Variants in PRMT3 observed in about 807,000 individuals in gnomAD.
PRMT3 encodes protein arginine N-methyltransferase 3.
PRMT3 carries 62 observed loss-of-function variants against 71.9 expected under a neutral mutation model. The observed-to-expected ratio is 0.86, with a 90% CI of 0.70 to 1.07. The LOEUF (loss-of-function observed/expected upper bound fraction) is 1.07, where lower values mean the gene tolerates loss of function less well. Among genes scored for constraint, PRMT3 ranks in the 50% least tolerant of loss-of-function variants. The pLI, the probability that PRMT3 is intolerant of heterozygous loss-of-function variation, is 0.00. For synonymous variants in PRMT3, 213 were observed against 220.4 expected (o/e 0.97, Z 0.30); for missense variants, 663 against 643.0 (o/e 1.03, Z -0.34).
At chr11:20,393,417 C>T (rs1225127290) in intron 5 of PRMT3, among the ~76,000 whole-genome samples, 2 of 152,172 alleles carry the variant, frequency 1.3e-5, no homozygotes, top group Non-Finnish European at 2.9e-5. Context: ...AAACTAAAAA[C>T]TCTGTGATCA....
chr11:20,442,781 A>G (rs1006335524), intron 10 of PRMT3, among the ~76,000 whole-genome samples: 2 of 152,230 alleles, frequency 1.3e-5, no homozygotes, highest in Non-Finnish European at 2.9e-5. Context: ...ATTACATTCT[A>G]CGTAATTAAT....
intron 3 of PRMT3, among the ~76,000 whole-genome samples, chr11:20,391,077 G>T (rs1242597241): frequency 4.6e-5 from 7 of 151,814 alleles, no homozygotes; most frequent in Non-Finnish European, 1.0e-4. Flanking sequence ...AGGTTTTTTG[G>T]TCCCTATATT....
intron 9 of PRMT3, among the ~76,000 whole-genome samples, chr11:20,408,986 A>G (rs1223376939): frequency 1.3e-5 from 2 of 152,044 alleles, no homozygotes; most frequent in Non-Finnish European, 2.9e-5. Context: ...AATTCCACCT[A>G]CTTGGGAGAC....
intron 8 of PRMT3, among the ~76,000 whole-genome samples, chr11:20,403,204 A>G (rs1439296676): frequency 6.6e-6 from 1 of 152,200 alleles, no homozygotes; most frequent in Non-Finnish European, 1.5e-5. Flanking sequence ...AGTTATTACA[A>G]TGGCGTAACT....
At chr11:20,477,300 G>T (rs1309068497) in intron 13 of PRMT3, among the ~76,000 whole-genome samples, 2 of 152,188 alleles carry the variant, frequency 1.3e-5, no homozygotes, top group Non-Finnish European at 2.9e-5. Context: ...TCTTGGCCGG[G>T]TGTAGCAGCT....
rs1469317731 is a variant in PRMT3 at position 20,509,235 on chromosome 11, T to C, written c.*822T>C. 2.0e-5 allele frequency: 3 copies of C among 151,296 alleles called. No individual in the cohort carries two copies. The highest frequency in any genetic ancestry group is 2.0e-4 in the Admixed American group (3 of 15,134). 9.4% of individuals were successfully genotyped at this position (151,296 alleles called of 1,614,324 possible). On this transcript the variant is annotated 3_prime_UTR_variant, in exon 16 of 16. Coordinates refer to ENST00000331079, the MANE Select transcript of PRMT3 (RefSeq NM_005788.4). ...TTGTCATTTACAATTACTGATTCAA[T>C]TTGAAATGTAGAATAAAATTTTAAT...
intron 7 of PRMT3, among the ~76,000 whole-genome samples, chr11:20,398,662 C>CA (rs1180129428): frequency 6.6e-6 from 1 of 152,198 alleles, no homozygotes; most frequent in African/African-American, 2.4e-5. Context: ...ACCGTAATGC[C>CA]ATATTTTTAC....
At chr11:20,393,332 A>G (rs1179677096) in intron 5 of PRMT3, among the ~76,000 whole-genome samples, 1 of 152,174 alleles carries the variant, frequency 6.6e-6, no homozygotes, top group Non-Finnish European at 1.5e-5. Context: ...CTGTAGTCCC[A>G]TCTACTCGGG....
intron 12 of PRMT3, among the ~76,000 whole-genome samples, chr11:20,463,086 G>C (rs1453357505): frequency 6.6e-6 from 1 of 152,164 alleles, no homozygotes; most frequent in East Asian, 1.9e-4. Context: ...GGATGGTCTT[G>C]ATCTCCTGAC....
At position 20,441,377 on chromosome 11, in the gene PRMT3, C is replaced by T. The variant is rs534728892; in HGVS notation, c.994-10753C>T. Among the ~76,000 whole-genome samples, 146 of 151,806 alleles carry T rather than the reference C, an allele frequency of 9.6e-4. 1 individual carries two copies. Among genetic ancestry groups the T allele is most frequent in the African/African-American group, 3.3e-3 (136 of 41,412 alleles). On this transcript the variant is annotated intron_variant, in intron 10 of 15. Transcript: ENST00000331079. Reference sequence around the variant, plus strand: ...CTGGAGTGCAGTGGCGCAATCTCGGCTCACTGCAAGCTCCGCCTCCCGGGT... The same window carrying T: ...CTGGAGTGCAGTGGCGCAATCTCGGTTCACTGCAAGCTCCGCCTCCCGGGT...
chr11:20,478,254 C>T (rs1295385386), intron 13 of PRMT3, among the ~76,000 whole-genome samples: 5 of 152,088 alleles, frequency 3.3e-5, no homozygotes, highest in East Asian at 1.9e-4. Context: ...CCTTCTACAT[C>T]CTAATTAGAA....
intron 2 of PRMT3, 60 bp from the exon 3 acceptor site, chr11:20,389,684 G>T: frequency 3.5e-6 from 4 of 1,152,776 alleles, no homozygotes; most frequent in African/African-American, 1.6e-5. Flanking sequence ...TATGTAACAT[G>T]AAATCAGTAT....
chr11:20,396,507 G>A (rs1228845724), intron 6 of PRMT3, among the ~76,000 whole-genome samples: 3 of 152,018 alleles, frequency 2.0e-5, no homozygotes, highest in South Asian at 2.1e-4. Flanking sequence ...TTGTGGTGGT[G>A]CACGCCTGTA....
rs149932479 is a variant in PRMT3 at position 20,447,161 on chromosome 11, T to C, written c.994-4969T>C. ...TTCTGTAAGACCTTAAGTTTGGTGC[T>C]TTTTTTTTAAGCAGAGAACACAGTA... On this transcript the variant is annotated intron_variant, in intron 10 of 15. Transcript: ENST00000331079. Among the ~76,000 whole-genome samples, 11 of 151,316 alleles carry C rather than the reference T, an allele frequency of 7.3e-5. No homozygotes were observed. In the East Asian group the frequency reaches 1.9e-3, roughly 27 times the overall value.
intron 10 of PRMT3, among the ~76,000 whole-genome samples, chr11:20,434,426 C>T (rs1299275446): frequency 6.6e-6 from 1 of 152,050 alleles, no homozygotes; most frequent in Non-Finnish European, 1.5e-5. Context: ...TTGCTTTTGG[C>T]ATCTTTGTCA....
At chr11:20,467,943 C>T (rs1850551583) in intron 13 of PRMT3, among the ~76,000 whole-genome samples, 1 of 152,220 alleles carries the variant, frequency 6.6e-6, no homozygotes, top group African/African-American at 2.4e-5. Flanking sequence ...CTCCCTCCTA[C>T]AGACCTATCC....
rs1851662405 is a variant in PRMT3 at position 20,508,895 on chromosome 11, T to A, written c.*482T>A. On this transcript the variant is annotated 3_prime_UTR_variant, in exon 16 of 16. Transcript: ENST00000331079. ...TAGAAAATCAGGATGTAATAAAGAT[T>A]TGTATAAAAAAACTAAAATATGGAA... The A allele has an allele frequency of 5.3e-6, 1 of 186,988 alleles. No homozygotes were observed. The highest frequency in any genetic ancestry group is 2.3e-5 in the African/African-American group (1 of 42,562). The allele number at this position is 186,988 out of a possible 1,614,324, so 11.6% of individuals were successfully genotyped here. A position where few individuals can be genotyped will look rare whatever the true frequency, so the allele number is the denominator to read the frequency against.
chr11:20,503,138 T>G (rs1356278312), intron 15 of PRMT3, among the ~76,000 whole-genome samples: 1 of 152,204 alleles, frequency 6.6e-6, no homozygotes, highest in Admixed American at 6.5e-5. Flanking sequence ...TTAAACTATC[T>G]TGCTTTATAG....
At chr11:20,425,242 A>G (rs1356149681) in intron 9 of PRMT3, among the ~76,000 whole-genome samples, 1 of 152,252 alleles carries the variant, frequency 6.6e-6, no homozygotes, top group East Asian at 1.9e-4. Context: ...GCAGTTTATA[A>G]CCACAATGAA....
Sources: allele counts gnomAD v4.1 joint callset (sites outside exome capture counted in the v4.1 genomes callset), GRCh38; gene constraint gnomAD v4.1.1; transcripts MANE v1.5; gene names NCBI Gene and HGNC (gene_info 2026-07-23, HGNC 2026-07-21).